The following NRXN3 variants were observed in gnomAD, a reference collection of about 807,000 sequenced individuals.
NRXN3 encodes the protein neurexin 3.
Under a neutral mutation model 137.6 loss-of-function variants are expected in NRXN3, and 32 were observed. The ratio of observed to expected loss-of-function variants is 0.23; its 90% CI spans 0.18 to 0.31. The LOEUF is 0.31. Ranked by LOEUF, NRXN3 falls within the 10% of genes least tolerant of loss-of-function variation. The pLI, the probability that NRXN3 is intolerant of heterozygous loss-of-function variation, is 1.00. For missense variants in NRXN3, 1,574 were observed against 2,062.5 expected (o/e 0.76, Z 4.59); for synonymous variants, 798 against 784.5 (o/e 1.02, Z -0.29).
chr14:78,693,990 G>T (rs1012596252), intron 6 of NRXN3, among the ~76,000 whole-genome samples: 9 of 151,716 alleles, frequency 5.9e-5, no homozygotes, highest in Non-Finnish European at 1.2e-4. Context: ...CTTGCCATCC[G>T]TGCTATTTCT....
intron 16 of NRXN3, among the ~76,000 whole-genome samples, chr14:79,514,214 C>G (rs2096960758): frequency 1.4e-5 from 2 of 140,170 alleles, no homozygotes; most frequent in Admixed American, 1.5e-4. Context: ...CATAGCATTT[C>G]TGCTTTAAAC....
chr14:78,292,582 G>A (rs1050730208), intron 3 of NRXN3, among the ~76,000 whole-genome samples: 3 of 152,146 alleles, frequency 2.0e-5, no homozygotes, highest in African/African-American at 4.8e-5. Context: ...AGACACTTCC[G>A]TTGCTTTCTT....
At chr14:79,737,110 T>A (rs2098944627) in intron 19 of NRXN3, among the ~76,000 whole-genome samples, 1 of 152,254 alleles carries the variant, frequency 6.6e-6, no homozygotes, top group South Asian at 2.1e-4. Flanking sequence ...ATATTATTCC[T>A]TTCCTCAAAG....
intron 4 of NRXN3, among the ~76,000 whole-genome samples, chr14:78,439,291 G>A (rs1598681894): frequency 1.3e-5 from 2 of 151,984 alleles, no homozygotes; most frequent in Admixed American, 6.6e-5. Context: ...TTAGATCTAG[G>A]GGCAAGAATT....
intron 15 of NRXN3, among the ~76,000 whole-genome samples, chr14:79,331,591 C>A (rs753486644): frequency 1.3e-4 from 20 of 152,154 alleles, no homozygotes; most frequent in South Asian, 6.2e-4. Flanking sequence ...TATGGGCAAC[C>A]CTGAATCTGG....
chr14:79,843,553 G>A (rs979995764), intron 20 of NRXN3, among the ~76,000 whole-genome samples: 2 of 152,122 alleles, frequency 1.3e-5, no homozygotes, highest in Non-Finnish European at 2.9e-5. Flanking sequence ...CTGTTTCATA[G>A]CATTTTAATC....
chr14:78,278,464 G>C (rs1215887383), intron 2 of NRXN3, among the ~76,000 whole-genome samples, 181 bp from the exon 3 acceptor site: 4 of 152,154 alleles, frequency 2.6e-5, no homozygotes, highest in Non-Finnish European at 4.4e-5. Context: ...TGCATGGGTG[G>C]TTTTTGGGTG....
intron 8 of NRXN3, among the ~76,000 whole-genome samples, chr14:78,725,407 G>T (rs1173512333): frequency 6.6e-6 from 1 of 152,254 alleles, no homozygotes; most frequent in Non-Finnish European, 1.5e-5. Flanking sequence ...GAAGATAGCA[G>T]CTGATTCCTA....
intron 1 of NRXN3, among the ~76,000 whole-genome samples, chr14:78,219,829 G>A (rs1404758168): frequency 6.6e-6 from 1 of 152,184 alleles, no homozygotes; most frequent in Admixed American, 6.5e-5. Flanking sequence ...GAGTTGGAAG[G>A]AGAGAGAGGT....
At chr14:78,977,290 C>T (rs2099471026) in intron 14 of NRXN3, among the ~76,000 whole-genome samples, 3 of 152,172 alleles carry the variant, frequency 2.0e-5, no homozygotes, top group Admixed American at 6.5e-5. Context: ...AGATGGTTTT[C>T]ATATCAACAC....
At chr14:78,308,741 G>T (rs2077626904) in intron 4 of NRXN3, among the ~76,000 whole-genome samples, 1 of 152,092 alleles carries the variant, frequency 6.6e-6, no homozygotes, top group East Asian at 1.9e-4. Flanking sequence ...TATTGTGTGT[G>T]TGTGTTTGTG....
intron 15 of NRXN3, among the ~76,000 whole-genome samples, chr14:79,339,644 A>G (rs1421963286): frequency 6.6e-6 from 1 of 152,204 alleles, no homozygotes; most frequent in African/African-American, 2.4e-5. Flanking sequence ...AACTCCCTGA[A>G]GTGACTTGTT....
At chr14:79,689,703 G>A (rs1009780239) in intron 17 of NRXN3, among the ~76,000 whole-genome samples, 4 of 152,046 alleles carry the variant, frequency 2.6e-5, no homozygotes, top group Non-Finnish European at 4.4e-5. Flanking sequence ...GTCACTTACT[G>A]TTTATCTAAC....
At chr14:78,717,087 G>T (rs2098437540) in intron 8 of NRXN3, among the ~76,000 whole-genome samples, 1 of 152,164 alleles carries the variant, frequency 6.6e-6, no homozygotes, top group South Asian at 2.1e-4. Flanking sequence ...CAGATCTTCT[G>T]TTGTCTATGA....
chr14:79,525,059 A>G (rs775900015), intron 16 of NRXN3, among the ~76,000 whole-genome samples: 1 of 152,168 alleles, frequency 6.6e-6, no homozygotes, highest in South Asian at 2.1e-4. Flanking sequence ...CAGTTTTTAC[A>G]CAGAAAGGCA....
chr14:78,551,715 C>T (rs753070978), intron 4 of NRXN3, among the ~76,000 whole-genome samples: 2 of 150,572 alleles, frequency 1.3e-5, no homozygotes, highest in Non-Finnish European at 3.0e-5. Flanking sequence ...TCCTTCCCTC[C>T]TTCCACTTCT....
chr14:79,591,444 A>C (rs1430290416), intron 16 of NRXN3, among the ~76,000 whole-genome samples: 1 of 152,212 alleles, frequency 6.6e-6, no homozygotes, highest in Non-Finnish European at 1.5e-5. Context: ...TTGGTCCACA[A>C]ATTTGTCAAT....
intron 16 of NRXN3, among the ~76,000 whole-genome samples, chr14:79,611,037 G>T (rs2098092229): frequency 6.6e-6 from 1 of 152,126 alleles, no homozygotes; most frequent in African/African-American, 2.4e-5. Context: ...CTGCTGCTGG[G>T]GAAAGACCAG....
chr14:79,124,983 T>C (rs556768719), intron 15 of NRXN3, among the ~76,000 whole-genome samples: 1 of 152,332 alleles, frequency 6.6e-6, no homozygotes, highest in South Asian at 2.1e-4. Flanking sequence ...ACACTGCAGT[T>C]CAGGCTAATG....
Sources: gnomAD v4.1 joint callset for allele counts (sites outside exome capture counted in the v4.1 genomes callset) on GRCh38, gnomAD v4.1.1 for gene constraint, MANE v1.5 for transcripts, NCBI Gene and HGNC (gene_info 2026-07-23, HGNC 2026-07-21) for gene names.